COL21A1: variants seen among roughly 807,000 people sequenced by gnomAD.
The protein encoded by COL21A1 is collagen type XXI alpha 1 chain, also known as collagen alpha-1(XXI) chain.
A neutral mutation model predicts 137.9 loss-of-function variants in COL21A1; 149 were observed. That is an observed-to-expected ratio of 1.08 (90% CI 0.95 to 1.24). The LOEUF (loss-of-function observed/expected upper bound fraction) is 1.24. Among genes scored for constraint, COL21A1 ranks in the 50% most tolerant of loss-of-function variants. The pLI is 0.00. For synonymous variants in COL21A1, 456 were observed against 391.5 expected (o/e 1.16, Z -1.95); for missense variants, 1,167 against 1,158.4 (o/e 1.01, Z -0.11).
At chr6:56,129,126 T>C (rs1773288260) in intron 12 of COL21A1, among the ~76,000 whole-genome samples, 1 of 152,242 alleles carries the variant, frequency 6.6e-6, no homozygotes, top group African/African-American at 2.4e-5. Context: ...TCTTCTTAAA[T>C]GGACATTCAG....
chr6:56,152,156 G>A (rs944456413), intron 10 of COL21A1, among the ~76,000 whole-genome samples: 1 of 152,064 alleles, frequency 6.6e-6, no homozygotes, highest in African/African-American at 2.4e-5. Flanking sequence ...ATTCTTTCTG[G>A]AGGCTCTAGG....
rs146755247 is a variant in COL21A1 at position 56,127,226 on chromosome 6, G to C, written c.1543-1077C>G. Reference sequence around the variant, plus strand: ...AATTACAGCTTTGGTTAAATCAGTAGTCAGGGTTTATTTTGTTAAGACTTG... The same window carrying C: ...AATTACAGCTTTGGTTAAATCAGTACTCAGGGTTTATTTTGTTAAGACTTG... On this transcript the variant is annotated intron_variant, in intron 12 of 29. Coordinates refer to ENST00000244728, the MANE Select transcript of COL21A1 (RefSeq NM_030820.4). Among the ~76,000 whole-genome samples, 371 of 152,300 alleles carry C rather than the reference G, an allele frequency of 2.4e-3. 1 individual carries two copies. Among genetic ancestry groups the C allele is most frequent in the Non-Finnish European group, 4.1e-3 (279 of 68,018 alleles).
intron 12 of COL21A1, among the ~76,000 whole-genome samples, chr6:56,141,137 C>T (rs1306750167): frequency 2.0e-5 from 3 of 152,130 alleles, no homozygotes; most frequent in Non-Finnish European, 4.4e-5. Context: ...GATATTTGCA[C>T]TCCCATTTTA....
At chr6:56,186,351 T>G (rs771267094) in intron 1 of COL21A1, among the ~76,000 whole-genome samples, 39 of 152,222 alleles carry the variant, frequency 2.6e-4, no homozygotes, top group Non-Finnish European at 3.5e-4. Flanking sequence ...GGACTTAACC[T>G]ATGAATGTGA....
intron 1 of COL21A1, among the ~76,000 whole-genome samples, chr6:56,304,371 T>C (rs921664231): frequency 6.6e-6 from 1 of 152,086 alleles, no homozygotes; most frequent in Admixed American, 6.5e-5. Flanking sequence ...CTGGACTTTT[T>C]TTGGTTGGTA....
At chr6:56,074,313 G>A in intron 19 of COL21A1, 28 bp from the exon 20 acceptor site, 3 of 1,471,520 alleles carry the variant, frequency 2.0e-6, no homozygotes, top group South Asian at 1.3e-5. Flanking sequence ...AATTTCAAGA[G>A]TAACTTAGAG....
chr6:56,380,305 T>C (rs945561528), intron 1 of COL21A1, among the ~76,000 whole-genome samples: 1 of 152,196 alleles, frequency 6.6e-6, no homozygotes, highest in African/African-American at 2.4e-5. Flanking sequence ...CCTGCAGAAC[T>C]GTGAGCCAAA....
intron 1 of COL21A1, among the ~76,000 whole-genome samples, chr6:56,263,837 C>T (rs554757742): frequency 8.5e-5 from 13 of 152,232 alleles, no homozygotes; most frequent in East Asian, 1.9e-4. Context: ...ACAATTCATG[C>T]GGTTATTTAA....
chr6:56,105,342 A>AG (rs1217014149), intron 16 of COL21A1, among the ~76,000 whole-genome samples: 2 of 152,244 alleles, frequency 1.3e-5, no homozygotes, highest in African/African-American at 2.4e-5. Flanking sequence ...TGGCACAGAA[A>AG]GGGAGATCCA....
At chr6:56,147,726 T>C (rs1774945418) in intron 10 of COL21A1, among the ~76,000 whole-genome samples, 2 of 152,092 alleles carry the variant, frequency 1.3e-5, no homozygotes, top group South Asian at 4.1e-4. Flanking sequence ...TCTATTTAAG[T>C]GACATGTGAG....
Position 56,309,233 on chromosome 6 carries a change from G to T in COL21A1, c.-39+84738C>A, listed in dbSNP as rs112548041. On this transcript the variant is annotated intron_variant, in intron 1 of 28. Coordinates refer to the COL21A1 transcript ENST00000370819. ...TTTTTTGTATTTTAGTAGAGACAGG[G>T]TTTCACCATGTTGGCTAGGATGGTC... 3.7e-3 allele frequency among the ~76,000 whole-genome samples: 557 copies of T among 152,142 alleles called. 7 individuals are homozygous for T. Among genetic ancestry groups the T allele is most frequent in the African/African-American group, 0.013 (521 of 41,494 alleles).
chr6:56,252,399 A>G (rs1317710465), upstream of COL21A1, among the ~76,000 whole-genome samples: 1 of 152,188 alleles, frequency 6.6e-6, no homozygotes, highest in Non-Finnish European at 1.5e-5. Context: ...CCTAACTTCT[A>G]CATCGGTTAG....
At chr6:56,155,402 G>A (rs1049997699) in intron 10 of COL21A1, among the ~76,000 whole-genome samples, 1 of 151,972 alleles carries the variant, frequency 6.6e-6, no homozygotes, top group African/African-American at 2.4e-5. Context: ...AGGAACTTAA[G>A]CAACTCTTTC....
intron 25 of COL21A1, among the ~76,000 whole-genome samples, 165 bp downstream of exon 25, chr6:56,061,484 A>G (rs1024736650): frequency 6.6e-6 from 1 of 152,288 alleles, no homozygotes; most frequent in South Asian, 2.1e-4. Context: ...TTCAGTATAA[A>G]TGTACATATT....
Position 56,171,090 on chromosome 6 carries a change from C to T in COL21A1, c.679G>A (p.Asp227Asn). Residue 227 changes from aspartate (D) to asparagine (N), a missense_variant, in exon 4 of 30, where the codon GAT (aspartate) becomes AAT (asparagine). Transcript: ENST00000244728. ...CPTRIPVAAR[D>N]ERGFDILLGL... ...AAAAGAATATCAAATCCCCTTTCAT[C>T]ACGAGCTGCCACTGGAATTCGTGTT... 1.2e-6 allele frequency: 2 copies of T among 1,606,456 alleles called. No homozygotes were observed. The highest frequency in any genetic ancestry group is 8.5e-7 in the Non-Finnish European group (1 of 1,177,228).
chr6:56,200,712 A>G (rs1274468887), intron 1 of COL21A1, among the ~76,000 whole-genome samples: 2 of 152,084 alleles, frequency 1.3e-5, no homozygotes, highest in Non-Finnish European at 2.9e-5. Context: ...ATTGTTGGAC[A>G]TATGGCTTGG....
At chr6:56,126,200 C>T (rs1053824712) in intron 12 of COL21A1, 51 bp from the exon 13 acceptor site, 18 of 1,158,732 alleles carry the variant, frequency 1.6e-5, no homozygotes, top group Non-Finnish European at 2.1e-5. Context: ...CCAGCCTAAA[C>T]AATATCATCA....
At chr6:56,378,734 C>A (rs747596029) in intron 1 of COL21A1, among the ~76,000 whole-genome samples, 1 of 152,212 alleles carries the variant, frequency 6.6e-6, no homozygotes, top group Admixed American at 6.5e-5. Flanking sequence ...AGCGAACATA[C>A]GCAATAGCCA....
At chr6:56,062,996 G>A (rs1419373394) in intron 24 of COL21A1, among the ~76,000 whole-genome samples, 2 of 152,116 alleles carry the variant, frequency 1.3e-5, no homozygotes, top group African/African-American at 4.8e-5. Flanking sequence ...GTTGTGCTTG[G>A]TAGAGTGACA....
Sources: gnomAD v4.1 joint callset for allele counts (sites outside exome capture counted in the v4.1 genomes callset) on GRCh38, gnomAD v4.1.1 for gene constraint, MANE v1.5 for transcripts, NCBI Gene and HGNC (gene_info 2026-07-23, HGNC 2026-07-21) for gene names.